Variants in RAB31 observed in about 807,000 individuals in gnomAD.
The protein encoded by RAB31 is ras-related protein Rab-31.
In RAB31, 21 loss-of-function variants were observed where a neutral mutation model predicts 25.6. The ratio of observed to expected loss-of-function variants is 0.82; its 90% CI spans 0.58 to 1.18. The LOEUF is 1.18. Among genes scored for constraint, RAB31 ranks in the 50% most tolerant of loss-of-function variants. RAB31 has a pLI of 0.00. For synonymous variants in RAB31, 87 were observed against 84.0 expected (o/e 1.04, Z -0.20); for missense variants, 196 against 250.1 (o/e 0.78, Z 1.46).
intron 3 of RAB31, among the ~76,000 whole-genome samples, chr18:9,806,010 TAA>T (rs757530281): frequency 3.9e-5 from 6 of 151,986 alleles, no homozygotes; most frequent in African/African-American, 1.2e-4. Flanking sequence ...CCGTCTCTAC[TAA>T]AAAAATACAA....
At chr18:9,721,779 T>C (rs763387102) in intron 1 of RAB31, among the ~76,000 whole-genome samples, 15 of 152,066 alleles carry the variant, frequency 9.9e-5, no homozygotes, top group Non-Finnish European at 1.8e-4. Flanking sequence ...GGAGCTGATA[T>C]TCTAGTAGGG....
At chr18:9,784,293 GCCT>G (rs1284635895) in intron 2 of RAB31, among the ~76,000 whole-genome samples, 1 of 151,764 alleles carries the variant, frequency 6.6e-6, no homozygotes, top group Non-Finnish European at 1.5e-5. Context: ...TGCCACCTTG[GCCT>G]CCCAAAGTGC....
chr18:9,802,718 A>G (rs1299176848), intron 3 of RAB31, among the ~76,000 whole-genome samples: 1 of 152,230 alleles, frequency 6.6e-6, no homozygotes, highest in East Asian at 1.9e-4. Context: ...GTGTTTGGAG[A>G]TCATGTGCCC....
chr18:9,818,462 C>G (rs575845771), intron 5 of RAB31, among the ~76,000 whole-genome samples: 15 of 152,252 alleles, frequency 9.9e-5, no homozygotes, highest in African/African-American at 3.4e-4. Flanking sequence ...TACATGGAAT[C>G]GTACAATATG....
chr18:9,777,589 T>G (rs1232170380), intron 2 of RAB31, among the ~76,000 whole-genome samples: 1 of 152,144 alleles, frequency 6.6e-6, no homozygotes, highest in African/African-American at 2.4e-5. Context: ...CTCTCTTATT[T>G]TTCACTTTGT....
intron 1 of RAB31, among the ~76,000 whole-genome samples, chr18:9,734,084 G>T (rs1435542513): frequency 1.4e-5 from 2 of 146,876 alleles, no homozygotes; most frequent in Non-Finnish European, 3.0e-5. Flanking sequence ...ATGGAAGCTG[G>T]GGGGCAGGGT....
At chr18:9,748,897 A>AG (rs1454483363) in intron 1 of RAB31, among the ~76,000 whole-genome samples, 1 of 151,952 alleles carries the variant, frequency 6.6e-6, no homozygotes, top group Non-Finnish European at 1.5e-5. Flanking sequence ...TCTCAAAAAA[A>AG]AATAATAATA....
intron 5 of RAB31, among the ~76,000 whole-genome samples, chr18:9,841,894 AG>A (rs1476376527): frequency 2.0e-5 from 3 of 152,186 alleles, no homozygotes; most frequent in Admixed American, 6.5e-5. Context: ...ACTTCTCAGA[AG>A]GTCAGATAAC....
At chr18:9,752,271 C>T (rs185591736) in intron 1 of RAB31, among the ~76,000 whole-genome samples, 21 of 152,248 alleles carry the variant, frequency 1.4e-4, no homozygotes, top group African/African-American at 5.1e-4. Context: ...GTTGCCCAGG[C>T]TGGAGTGCAG....
At chr18:9,838,027 C>T (rs2068713908) in intron 5 of RAB31, among the ~76,000 whole-genome samples, 1 of 152,214 alleles carries the variant, frequency 6.6e-6, no homozygotes, top group Non-Finnish European at 1.5e-5. Flanking sequence ...GTCATCCTCA[C>T]TGAGACGGCT....
intron 5 of RAB31, among the ~76,000 whole-genome samples, chr18:9,820,811 T>C (rs901187250): frequency 6.6e-6 from 1 of 152,070 alleles, no homozygotes. Flanking sequence ...GTCTAGTCGA[T>C]AGTTTGTCAG....
chr18:9,797,717 G>A (rs775137260), intron 3 of RAB31, among the ~76,000 whole-genome samples: 2 of 152,096 alleles, frequency 1.3e-5, no homozygotes, highest in African/African-American at 2.4e-5. Context: ...TTAGATGATC[G>A]TTCTTCAGAT....
At chr18:9,777,347 A>G (rs901703552) in intron 2 of RAB31, among the ~76,000 whole-genome samples, 1 of 152,188 alleles carries the variant, frequency 6.6e-6, no homozygotes, top group African/African-American at 2.4e-5. Context: ...AGATAAATAA[A>G]TAAATCCAAA....
chr18:9,801,532 C>T (rs889497724), intron 3 of RAB31, among the ~76,000 whole-genome samples: 1 of 152,108 alleles, frequency 6.6e-6, no homozygotes, highest in Non-Finnish European at 1.5e-5. Flanking sequence ...CCACCGGCCT[C>T]GGCCTCCCAA....
intron 2 of RAB31, among the ~76,000 whole-genome samples, chr18:9,776,783 G>A (rs947608540): frequency 6.6e-5 from 10 of 152,092 alleles, no homozygotes; most frequent in African/African-American, 2.2e-4. Flanking sequence ...CTGAGGGAAC[G>A]CAAGTCTTCT....
intron 4 of RAB31, among the ~76,000 whole-genome samples, chr18:9,814,416 A>G (rs1292653699): frequency 6.6e-6 from 1 of 152,216 alleles, no homozygotes; most frequent in Non-Finnish European, 1.5e-5. Flanking sequence ...TACTGTTTCA[A>G]TCATACTACA....
In RAB31 at chr18:9,708,560, G is replaced by A. The variant is rs2067998300; in HGVS notation, c.39+116G>A. ...TCCCCTCGCTCTCCGCACCCCTCTCGTAGCCCCCGTCCCCCTCGTCCGCGC... is the reference window on the plus strand; with the variant it reads ...TCCCCTCGCTCTCCGCACCCCTCTCATAGCCCCCGTCCCCCTCGTCCGCGC... On this transcript the variant is annotated intron_variant, in intron 1 of 6. Coordinates refer to ENST00000578921, the MANE Select transcript of RAB31 (RefSeq NM_006868.4). This position sits in a 1 kb window ranked among gnomAD's most constrained non-coding sequence, Gnocchi z 6.4. 1 of 908,988 alleles carries A rather than the reference G, an allele frequency of 1.1e-6. No individual in the cohort carries two copies. Among genetic ancestry groups the A allele is most frequent in the Non-Finnish European group, 1.5e-6 (1 of 654,960 alleles). 56.3% of individuals were successfully genotyped at this position (908,988 alleles called of 1,614,324 possible). A position where few individuals can be genotyped will look rare whatever the true frequency, so the allele number is the denominator to read the frequency against.
At chr18:9,859,151 G>A in intron 6 of RAB31, 77 bp from the exon 7 acceptor site, 1 of 1,204,238 alleles carries the variant, frequency 8.3e-7, no homozygotes. Context: ...CAGGAGTGTT[G>A]AAGCAGGGTG....
chr18:9,833,345 G>C (rs1490632966), intron 5 of RAB31, among the ~76,000 whole-genome samples: 1 of 152,170 alleles, frequency 6.6e-6, no homozygotes, highest in Non-Finnish European at 1.5e-5. Flanking sequence ...GGGCCCGGAA[G>C]TGTCAGGGGG....
Sources: gnomAD v4.1 joint callset for allele counts (sites outside exome capture counted in the v4.1 genomes callset) on GRCh38, gnomAD v4.1.1 for gene constraint, Gnocchi (gnomAD v3.1) non-coding constraint, MANE v1.5 for transcripts, NCBI Gene and HGNC (gene_info 2026-07-23, HGNC 2026-07-21) for gene names.